The following GOLT1A variants were observed in gnomAD, a reference collection of about 807,000 sequenced individuals.
GOLT1A encodes the protein vesicle transport protein GOT1A.
Under a neutral mutation model 16.1 loss-of-function variants are expected in GOLT1A, and 10 were observed. The ratio of observed to expected loss-of-function variants is 0.62; its 90% CI spans 0.38 to 1.05. The LOEUF (loss-of-function observed/expected upper bound fraction) is 1.05, where lower values mean the gene tolerates loss of function less well. Ranked by LOEUF, GOLT1A falls within the 50% of genes least tolerant of loss-of-function variation. The pLI, the probability that GOLT1A is intolerant of heterozygous loss-of-function variation, is 0.01. For synonymous variants in GOLT1A, 60 were observed against 67.9 expected (o/e 0.88, Z 0.57); for missense variants, 137 against 165.7 (o/e 0.83, Z 0.95).
Position 204,213,981 on chromosome 1 carries a change from A to C in GOLT1A, c.-75T>G. ...GTGGCCCAGAGGACGCAGCTGGTAC[A>C]TGGTCACGGGAAGCTGACCCTTGGT... On this transcript the variant is annotated 5_prime_UTR_variant, in exon 1 of 5. It removes an upstream start codon present in the reference 5' UTR. Coordinates refer to ENST00000308302, the MANE Select transcript of GOLT1A (RefSeq NM_198447.2). The C allele has an allele frequency of 2.6e-6, 4 of 1,535,630 alleles. No homozygotes were observed. Among genetic ancestry groups the C allele is most frequent in the South Asian group, 1.2e-5 (1 of 85,962 alleles).
At chr1:204,203,378 C>A (rs1658992037) in intron 1 of GOLT1A, among the ~76,000 whole-genome samples, 1 of 152,156 alleles carries the variant, frequency 6.6e-6, no homozygotes, top group African/African-American at 2.4e-5. Flanking sequence ...AACTGAGAAC[C>A]ACTGGAGCCC....
rs577261800 is a variant in GOLT1A, at chr1:204,212,932, G to A, written c.25+950C>T. ...AGTATGCTAATGCCTCAGGGCCTTT[G>A]CACTGCCTGTCCCTGCTTCCTGAAC... On this transcript the variant is annotated intron_variant, in intron 1 of 4. Transcript: ENST00000308302. Among the ~76,000 whole-genome samples, 4 of 152,188 alleles carry A rather than the reference G, an allele frequency of 2.6e-5. No homozygotes were observed. In the East Asian group the frequency reaches 7.7e-4, roughly 29 times the overall value.
At chr1:204,199,280 G>T (rs1230713448) in intron 3 of GOLT1A, 22 bp from the exon 4 acceptor site, 2 of 1,587,326 alleles carry the variant, frequency 1.3e-6, no homozygotes, top group Non-Finnish European at 1.7e-6. Flanking sequence ...GGGGAGAAGG[G>T]AGGAGTCAGT....
intron 1 of GOLT1A, among the ~76,000 whole-genome samples, chr1:204,204,950 C>G (rs1659017192): frequency 6.6e-6 from 1 of 152,204 alleles, no homozygotes. Flanking sequence ...TGCTTGTTAG[C>G]TATGTGTATA....
At chr1:204,202,632 C>T (rs1010404733) in intron 2 of GOLT1A, among the ~76,000 whole-genome samples, 7 of 152,032 alleles carry the variant, frequency 4.6e-5, no homozygotes, top group East Asian at 1.9e-4. Flanking sequence ...CCCAGGGTCT[C>T]GCCCAGAGCT....
In GOLT1A at chr1:204,202,852, A is replaced by G. The variant is rs769733383; in HGVS notation, c.117+44T>C. ...CTATCCTGGCAATAGAGACTTCAGAAAGGTTGGGGCAGGGGAGTGGGGACA... is the reference window on the plus strand; with the variant it reads ...CTATCCTGGCAATAGAGACTTCAGAGAGGTTGGGGCAGGGGAGTGGGGACA... On this transcript the variant is annotated intron_variant, in intron 2 of 4. Coordinates refer to ENST00000308302, the MANE Select transcript of GOLT1A (RefSeq NM_198447.2). 3.6e-6 allele frequency: 5 copies of G among 1,387,912 alleles called. No individual in the cohort carries two copies. In the East Asian group the frequency reaches 1.1e-4, roughly 32 times the overall value. 86.0% of individuals were successfully genotyped at this position (1,387,912 alleles called of 1,614,324 possible).
chr1:204,199,323 G>T, intron 3 of GOLT1A, 65 bp from the exon 4 acceptor site: 3 of 1,302,454 alleles, frequency 2.3e-6, no homozygotes, highest in Non-Finnish European at 3.3e-6. Flanking sequence ...GAGGGCACGA[G>T]GCTGAGGTCC....
intron 2 of GOLT1A, 55 bp downstream of exon 2, chr1:204,202,841 G>C: frequency 8.0e-7 from 1 of 1,252,546 alleles, no homozygotes; most frequent in Non-Finnish European, 1.2e-6. Context: ...CCTGGCAATA[G>C]AGACTTCAGA....
chr1:204,200,925 G>T (rs1658946947), intron 3 of GOLT1A, among the ~76,000 whole-genome samples: 1 of 152,104 alleles, frequency 6.6e-6, no homozygotes, highest in Admixed American at 6.5e-5. Flanking sequence ...CTTTCTCTGA[G>T]ACTCCTTCCT....
At chr1:204,213,350 AC>A (rs1269934901) in intron 1 of GOLT1A, among the ~76,000 whole-genome samples, 1 of 151,916 alleles carries the variant, frequency 6.6e-6, no homozygotes, top group Admixed American at 6.6e-5. Flanking sequence ...TAAGTAACTC[AC>A]CCAAATGAAG....
Position 204,198,361 on chromosome 1 carries a change from G to A in GOLT1A, c.*97C>T. The stretch of plus-strand genomic sequence containing the variant: ...GACTTGGGGAGGTCCGGATATGTCG[G>A]GGAGTGAGTCAGTGCAGGGGACTGA... On this transcript the variant is annotated 3_prime_UTR_variant, in exon 5 of 5. Coordinates refer to ENST00000308302, the MANE Select transcript of GOLT1A (RefSeq NM_198447.2). 1 of 1,121,576 alleles carries A rather than the reference G, an allele frequency of 8.9e-7. No homozygotes were observed. Among genetic ancestry groups the A allele is most frequent in the Non-Finnish European group, 1.3e-6 (1 of 752,116 alleles). The allele number at this position is 1,121,576 out of a possible 1,614,324, so 69.5% of individuals were successfully genotyped here.
rs778528625 is a variant in GOLT1A, at chr1:204,201,688, G to A, written c.241C>T (p.Arg81Cys). The change falls in exon 3 of 5, where the codon CGC (arginine) becomes TGC (cysteine). Residue 81 changes from arginine to cysteine, a missense_variant. Transcript: ENST00000308302. ...LLGGVVIVLL[R>C]WPLLGMFLET... Reference sequence around the variant, plus strand: ...AGGAACATGCCGAGGAGGGGCCAGCGTAGGAGCACGATAACCACACCCCCC... The same window carrying A: ...AGGAACATGCCGAGGAGGGGCCAGCATAGGAGCACGATAACCACACCCCCC... 153 of 1,614,056 alleles carry A rather than the reference G, an allele frequency of 9.5e-5. No homozygotes were observed. The highest frequency in any genetic ancestry group is 1.2e-4 in the Non-Finnish European group (145 of 1,180,028).
chr1:204,199,741 C>T (rs1307342824), intron 3 of GOLT1A, among the ~76,000 whole-genome samples: 2 of 152,204 alleles, frequency 1.3e-5, no homozygotes, highest in East Asian at 3.9e-4. Context: ...CTCACCGTTA[C>T]ACTCCCTGGT....
chr1:204,199,506 T>C (rs1366215404), intron 3 of GOLT1A, among the ~76,000 whole-genome samples: 1 of 152,150 alleles, frequency 6.6e-6, no homozygotes, highest in Non-Finnish European at 1.5e-5. Context: ...CTTGGGCAAA[T>C]TCCTTAACTT....
intron 4 of GOLT1A, 158 bp downstream of exon 4, chr1:204,199,037 G>C: frequency 1.6e-6 from 1 of 627,978 alleles, no homozygotes; most frequent in Non-Finnish European, 2.8e-6. Flanking sequence ...GGTGCGGGGG[G>C]AAGAGGAGCC....
At chr1:204,201,149 G>A (rs1557984884) in intron 3 of GOLT1A, among the ~76,000 whole-genome samples, 2 of 152,230 alleles carry the variant, frequency 1.3e-5, no homozygotes, top group African/African-American at 4.8e-5. Context: ...CAGGGGTCAG[G>A]AGCCAGAGCT....
chr1:204,210,662 ACTC>A lies in GOLT1A; in HGVS notation c.25+3217_25+3219del, dbSNP rs1430322360. Among the ~76,000 whole-genome samples, 4 of 151,632 alleles carry A rather than the reference ACTC, an allele frequency of 2.6e-5. No homozygotes were observed. The South Asian group carries it at 8.4e-4, about 32-fold the overall frequency. On this transcript the variant is annotated intron_variant, in intron 1 of 4. Transcript: ENST00000308302. Reference sequence around the variant, plus strand: ...TGCAATGTGCTCAGGCTGGTCTTGAACTCCTGGCCTCAAGCGATCCTCCCAAAG... The same window carrying A: ...TGCAATGTGCTCAGGCTGGTCTTGAACTGGCCTCAAGCGATCCTCCCAAAG...
At chr1:204,203,045 G>T in intron 1 of GOLT1A, 58 bp from the exon 2 acceptor site, 1 of 1,378,014 alleles carries the variant, frequency 7.3e-7, no homozygotes, top group Non-Finnish European at 1.0e-6. Flanking sequence ...TGGGGACCCT[G>T]AAACTTCCCC....
intron 1 of GOLT1A, among the ~76,000 whole-genome samples, chr1:204,206,633 T>C (rs559758852): frequency 2.0e-5 from 3 of 152,268 alleles, no homozygotes; most frequent in Non-Finnish European, 4.4e-5. Context: ...CATCTGTCAT[T>C]GATTTCAGCT....
Sources: gnomAD v4.1 joint callset for allele counts (sites outside exome capture counted in the v4.1 genomes callset) on GRCh38, gnomAD v4.1.1 for gene constraint, MANE v1.5 for transcripts, NCBI Gene and HGNC (gene_info 2026-07-23, HGNC 2026-07-21) for gene names.